PSG1: variants seen among roughly 807,000 people sequenced by gnomAD.
The protein encoded by PSG1 is pregnancy-specific beta-1-glycoprotein 1.
A neutral mutation model predicts 41.4 loss-of-function variants in PSG1; 60 were observed. The observed-to-expected ratio is 1.45, with a 90% CI of 1.18 to 1.80. The LOEUF (loss-of-function observed/expected upper bound fraction) is 1.80, where lower values mean the gene tolerates loss of function less well. Ranked by LOEUF, PSG1 falls within the 40% of genes most tolerant of loss-of-function variation. PSG1 has a pLI of 0.00. For synonymous variants in PSG1, 256 were observed against 192.9 expected, an observed-to-expected ratio of 1.33 and a Z score of -2.71; for missense variants, 806 against 516.9, an observed-to-expected ratio of 1.56 and a Z score of -5.42.
rs1390685185 is a variant in PSG1, at chr19:42,872,062, G to T, written c.431-17C>A. 1.2e-6 allele frequency: 2 copies of T among 1,602,534 alleles called. No homozygotes were observed. The highest frequency in any genetic ancestry group is 1.7e-6 in the Non-Finnish European group (2 of 1,173,970). On this transcript the variant is annotated splice_polypyrimidine_tract_variant and intron_variant, in intron 2 of 5. Transcript: ENST00000436291. Reference sequence around the variant, plus strand: ...GAGTCTCCACTGTGCAGAAAACAGGGTGAAGATTGCCGTGTGTGGCGCCTT... The same window carrying T: ...GAGTCTCCACTGTGCAGAAAACAGGTTGAAGATTGCCGTGTGTGGCGCCTT...
chr19:42,871,027 C>T (rs1182373946), intron 3 of PSG1, among the ~76,000 whole-genome samples: 1 of 151,550 alleles, frequency 6.6e-6, no homozygotes, highest in African/African-American at 2.4e-5. Context: ...TCTCCCTTTG[C>T]AGAGGGCAGG....
At chr19:42,877,349 C>A (rs1375919504) in intron 2 of PSG1, among the ~76,000 whole-genome samples, 1 of 151,574 alleles carries the variant, frequency 6.6e-6, no homozygotes, top group Non-Finnish European at 1.5e-5. Flanking sequence ...CTGTCCTGGC[C>A]CAGATGAGGC....
At position 42,870,762 on chromosome 19, in the gene PSG1, C is replaced by T. The variant is rs1232071654; in HGVS notation, c.709+1005G>A. 2.6e-5 allele frequency: 4 copies of T among 151,664 alleles called. No homozygotes were observed. In the East Asian group the frequency reaches 5.8e-4, roughly 22 times the overall value. 9.4% of individuals were successfully genotyped at this position (151,664 alleles called of 1,614,324 possible). A position where few individuals can be genotyped will look rare whatever the true frequency, so the allele number is the denominator to read the frequency against. On this transcript the variant is annotated intron_variant, in intron 3 of 5. Transcript: ENST00000436291. ...GAAATGTCTTTCCATATATTGATAT[C>T]GTCTTTAATTTCTTTCAGCAATGGT...
intron 2 of PSG1, among the ~76,000 whole-genome samples, chr19:42,874,771 C>T (rs1469272580): frequency 6.6e-6 from 1 of 151,074 alleles, no homozygotes; most frequent in East Asian, 1.9e-4. Context: ...AGAAAGTGAC[C>T]GGAGAATGTG....
chr19:42,869,672 C>G (rs1243923793), intron 3 of PSG1: 1 of 156,570 alleles, frequency 6.4e-6, no homozygotes, highest in Non-Finnish European at 1.4e-5. Context: ...AACCAGTGAC[C>G]TCTAAAGATA....
At chr19:42,867,219 T>A in intron 5 of PSG1, 69 bp from the exon 6 acceptor site, 1 of 761,268 alleles carries the variant, frequency 1.3e-6, no homozygotes, top group Admixed American at 1.7e-5. Flanking sequence ...TATACTACAG[T>A]TTTTATTTTC....
In PSG1 at chr19:42,879,222, A is replaced by G. The variant is rs529334641; in HGVS notation, c.64+296T>C. Among the ~76,000 whole-genome samples, 10 of 145,746 alleles carry G rather than the reference A, an allele frequency of 6.9e-5. 1 individual carries two copies. The East Asian group carries it at 2.0e-3, about 30-fold the overall frequency. ...GGCTGGCATGCGGTGGTGCTATCTCAGCTATCTGCAACTTCTGCCTCCCGG... is the reference window on the plus strand; with the variant it reads ...GGCTGGCATGCGGTGGTGCTATCTCGGCTATCTGCAACTTCTGCCTCCCGG... On this transcript the variant is annotated intron_variant, in intron 1 of 5. Transcript: ENST00000436291.
At chr19:42,870,933 A>T (rs1219544097) in intron 3 of PSG1, among the ~76,000 whole-genome samples, 1 of 151,652 alleles carries the variant, frequency 6.6e-6, no homozygotes, top group African/African-American at 2.4e-5. Context: ...CTAAAGAATG[A>T]TCTAGAAAGA....
At position 42,871,888 on chromosome 19, in the gene PSG1, G is replaced by T. The variant is rs111338477; in HGVS notation, c.588C>A (p.Ser196=). The T allele has an allele frequency of 6.2e-7, 1 of 1,612,330 alleles. No homozygotes were observed. The highest frequency in any genetic ancestry group is 1.7e-5 in the Admixed American group (1 of 59,892). ...SLPMTHSLKL[S]ETNRTLFLLG... is the part of the protein sequence containing the mutation. The stretch of plus-strand genomic sequence containing the variant: ...ATAGAAAGAGGGTCCTGTTGGTTTC[G>T]GACAGCTTCAAGCTGTGAGTCATAG... The change falls in exon 3 of 6, where the codon TCC becomes TCA. Residue 196 remains serine, a synonymous_variant. Coordinates refer to ENST00000436291, the MANE Select transcript of PSG1 (RefSeq NM_001184825.2).
rs563783848 is a variant in PSG1 at position 42,875,789 on chromosome 19, C to A, written c.430+2124G>T. On this transcript the variant is annotated intron_variant, in intron 2 of 5. Coordinates refer to ENST00000436291, the MANE Select transcript of PSG1 (RefSeq NM_001184825.2). ...ATTAAAATCTTTCTTTACTGCAAACCGCCATTTCAATTATTTTATTTTATT... is the reference window on the plus strand; with the variant it reads ...ATTAAAATCTTTCTTTACTGCAAACAGCCATTTCAATTATTTTATTTTATT... Among the ~76,000 whole-genome samples the A allele has an allele frequency of 1.5e-4, 22 of 150,744 alleles. 1 individual carries two copies. The highest frequency in any genetic ancestry group is 4.2e-4 in the South Asian group (2 of 4,714).
intron 2 of PSG1, among the ~76,000 whole-genome samples, chr19:42,877,491 T>C (rs1348727717): frequency 6.6e-6 from 1 of 151,708 alleles, no homozygotes; most frequent in African/African-American, 2.4e-5. Context: ...CTCAGCTTTA[T>C]CTGGAACAAG....
rs200802476 is a variant in PSG1, at chr19:42,868,801, G to A, written c.943C>T (p.Arg315Ter). Residue 315 changes from arginine (R) to a stop codon, truncating the protein, a stop_gained, in exon 4 of 6, where the codon CGA becomes TGA. Coordinates refer to ENST00000436291, the MANE Select transcript of PSG1 (RefSeq NM_001184825.2). LOFTEE classifies it high-confidence loss of function. ...TGPYQCEIRD[R>*]YGGIRSDPVT... The stretch of plus-strand genomic sequence containing the variant: ...GGGTCACTGCGGATGCCACCATATC[G>A]GTCCCGTATTTCACATTGATAGGGT... The A allele has an allele frequency of 7.1e-4, 1,142 of 1,611,818 alleles. 25 individuals carry two copies. Among genetic ancestry groups the A allele is most frequent in the Non-Finnish European group, 9.1e-4 (1,075 of 1,179,052 alleles).
chr19:42,867,512 T>G, intron 5 of PSG1: 3 of 598,188 alleles, frequency 5.0e-6, no homozygotes, highest in Non-Finnish European at 8.9e-6. Context: ...GTTCATTCTA[T>G]CTATGTTTTT....
In PSG1 at chr19:42,871,907, G is replaced by A; in HGVS notation, c.569C>T (p.Thr190Ile). 1 of 1,612,484 alleles carries A rather than the reference G, an allele frequency of 6.2e-7. No homozygotes were observed. Among genetic ancestry groups the A allele is most frequent in the South Asian group, 1.1e-5 (1 of 90,816 alleles). The change falls in exon 3 of 6, where the codon ACT becomes ATT. Residue 190 changes from threonine (T) to isoleucine (I), a missense_variant. By Grantham distance (89) the Thr-to-Ile change is moderately conservative (BLOSUM62 -1). Transcript: ENST00000436291. ...GGTTTCGGACAGCTTCAAGCTGTGA[G>A]TCATAGGGAGGCTCTGACCATTCAT... ...WWMNGQSLPM[T>I]HSLKLSETNR...
In PSG1 at chr19:42,868,998, A is replaced by C; in HGVS notation, c.746T>G (p.Leu249Ter). The change falls in exon 4 of 6, where the codon TTA becomes TGA. Residue 249 changes from leucine (L) to a stop codon, truncating the protein, a stop_gained. Transcript: ENST00000436291. LOFTEE classifies it high-confidence loss of function. ...LPKPYITINN[L>*]NPRENKDVLN... is the part of the protein sequence containing the mutation. ...GACATCCTTATTCTCCCTGGGGTTT[A>C]AGTTGTTGATGGTGATGTAGGGCTT... 1 of 1,610,568 alleles carries C rather than the reference A, an allele frequency of 6.2e-7. No homozygotes were observed. The highest frequency in any genetic ancestry group is 8.5e-7 in the Non-Finnish European group (1 of 1,179,032).
At chr19:42,873,936 A>C (rs1326063128) in intron 2 of PSG1, among the ~76,000 whole-genome samples, 4 of 151,732 alleles carry the variant, frequency 2.6e-5, no homozygotes, top group African/African-American at 7.2e-5. Flanking sequence ...TGAATTAGGA[A>C]GAGTCTAAGT....
Position 42,868,902 on chromosome 19 carries a change from G to T in PSG1, c.842C>A (p.Pro281Gln). 3.7e-6 allele frequency: 6 copies of T among 1,610,518 alleles called. 1 individual carries two copies. Among genetic ancestry groups the T allele is most frequent in the Non-Finnish European group, 5.1e-6 (6 of 1,179,042 alleles). The change falls in exon 4 of 6, where the codon CCG becomes CAG. Residue 281 changes from proline to glutamine, a missense_variant. Physicochemically the swap from Pro to Gln is moderately conservative, Grantham distance 76. Coordinates refer to ENST00000436291, the MANE Select transcript of PSG1 (RefSeq NM_001184825.2). ...GGGTCGCTTTACCCTGGGACTGACC[G>T]GGAGGCTCTGACCATTTAGCCACCA... ...YIWWLNGQSL[P>Q]VSPRVKRPIE...
At chr19:42,869,807 T>G (rs1971304445) in intron 3 of PSG1, 2 of 151,804 alleles carry the variant, frequency 1.3e-5, no homozygotes, top group Non-Finnish European at 2.9e-5. Context: ...AGAGGGCAGG[T>G]GAGGACCATG....
Position 42,876,424 on chromosome 19 carries a change from C to T in PSG1, c.430+1489G>A, listed in dbSNP as rs528314075. ...TAGTGGGGGGATGAAACATGGATGT[C>T]AGCCTCTGAAGGACAAGGGACAGGT... On this transcript the variant is annotated intron_variant, in intron 2 of 5. Coordinates refer to ENST00000436291, the MANE Select transcript of PSG1 (RefSeq NM_001184825.2). Among the ~76,000 whole-genome samples, 71 of 151,510 alleles carry T rather than the reference C, an allele frequency of 4.7e-4. 1 individual carries two copies. The highest frequency in any genetic ancestry group is 1.3e-3 in the African/African-American group (53 of 41,288).
Sources: allele counts gnomAD v4.1 joint callset (sites outside exome capture counted in the v4.1 genomes callset), GRCh38; gene constraint gnomAD v4.1.1; transcripts MANE v1.5; gene names NCBI Gene and HGNC (gene_info 2026-07-23, HGNC 2026-07-21).